Variants in ULK4 observed in about 807,000 individuals in gnomAD.
The protein encoded by ULK4 is unc-51 like kinase 4, also known as inactive serine/threonine-protein kinase ULK4.
In ULK4, 133 loss-of-function variants were observed where a neutral mutation model predicts 160.6. The observed-to-expected ratio is 0.83, with a 90% CI of 0.72 to 0.96. The LOEUF is 0.96. Among genes scored for constraint, ULK4 ranks in the 40% least tolerant of loss-of-function variants. The probability of loss-of-function intolerance (pLI) is 0.00; values close to 1 mark genes in which losing one functional copy is unlikely to be tolerated. For missense variants in ULK4, 1,580 were observed against 1,499.5 expected (o/e 1.05, Z -0.89); for synonymous variants, 534 against 539.8 (o/e 0.99, Z 0.15).
chr3:41,336,625 C>T (rs913957985), intron 35 of ULK4, among the ~76,000 whole-genome samples: 1 of 152,204 alleles, frequency 6.6e-6, no homozygotes, highest in Non-Finnish European at 1.5e-5. Context: ...TTATTTTACT[C>T]TAAAGCTCAT....
chr3:41,527,062 C>A (rs1282036695), intron 32 of ULK4, among the ~76,000 whole-genome samples: 3 of 152,218 alleles, frequency 2.0e-5, no homozygotes, highest in Non-Finnish European at 4.4e-5. Flanking sequence ...TACATTATCT[C>A]ATTTAACTCT....
intron 32 of ULK4, among the ~76,000 whole-genome samples, chr3:41,500,763 G>A (rs1005653126): frequency 1.3e-5 from 2 of 152,138 alleles, no homozygotes; most frequent in Admixed American, 6.5e-5. Context: ...CCTGGAACTC[G>A]GGGCCAGCAG....
chr3:41,852,528 T>C (rs749058447), intron 17 of ULK4, among the ~76,000 whole-genome samples: 3 of 152,152 alleles, frequency 2.0e-5, no homozygotes, highest in Non-Finnish European at 2.9e-5. Context: ...AAAATATCTT[T>C]ATAAAATGCA....
intron 32 of ULK4, among the ~76,000 whole-genome samples, chr3:41,501,962 C>T (rs2085225001): frequency 6.6e-6 from 1 of 152,184 alleles, no homozygotes; most frequent in Non-Finnish European, 1.5e-5. Flanking sequence ...TCTTTCTGTG[C>T]CTGTCTTACT....
At chr3:41,952,240 G>A (rs947003552) in intron 2 of ULK4, among the ~76,000 whole-genome samples, 5 of 151,964 alleles carry the variant, frequency 3.3e-5, no homozygotes, top group Non-Finnish European at 7.4e-5. Flanking sequence ...ACATCAAAAG[G>A]CACTATCAAC....
chr3:41,588,672 TATA>T (rs2031015688), intron 31 of ULK4, among the ~76,000 whole-genome samples: 1 of 152,220 alleles, frequency 6.6e-6, no homozygotes, highest in Non-Finnish European at 1.5e-5. Flanking sequence ...AAGCTTATTT[TATA>T]ATGTGATTTA....
At chr3:41,650,098 G>C (rs2034680422) in intron 30 of ULK4, among the ~76,000 whole-genome samples, 1 of 151,840 alleles carries the variant, frequency 6.6e-6, no homozygotes, top group Non-Finnish European at 1.5e-5. Flanking sequence ...GAGAGCTGGA[G>C]ACTCACTGGG....
intron 34 of ULK4, among the ~76,000 whole-genome samples, chr3:41,437,992 G>A (rs1401804349): frequency 2.6e-5 from 4 of 151,866 alleles, no homozygotes; most frequent in African/African-American, 9.7e-5. Flanking sequence ...CTGGTGGGAA[G>A]AGCTGTGCCT....
chr3:41,579,530 G>A (rs1387228635), intron 31 of ULK4, among the ~76,000 whole-genome samples: 1 of 121,096 alleles, frequency 8.3e-6, no homozygotes, highest in Non-Finnish European at 1.6e-5. Context: ...GTTTCGCTCT[G>A]TCGCCCAGGC....
Position 41,804,544 on chromosome 3 carries a change from T to A in ULK4, c.1849-4251A>T, listed in dbSNP as rs1205267087. On this transcript the variant is annotated intron_variant, in intron 19 of 36. Transcript: ENST00000301831. ...GCCATTGCTTTTGGTGTTTTAGACATGAAGTCCTTGCCCATGCCTATGTCC... is the reference window on the plus strand; with the variant it reads ...GCCATTGCTTTTGGTGTTTTAGACAAGAAGTCCTTGCCCATGCCTATGTCC... Among the ~76,000 whole-genome samples the A allele has an allele frequency of 2.0e-5, 3 of 151,440 alleles. No homozygotes were observed. The South Asian group carries it at 6.3e-4, about 32-fold the overall frequency.
At chr3:41,622,481 A>C (rs2033296267) in intron 30 of ULK4, among the ~76,000 whole-genome samples, 1 of 152,180 alleles carries the variant, frequency 6.6e-6, no homozygotes, top group African/African-American at 2.4e-5. Context: ...CATTCTCAGC[A>C]AACTAACACA....
At chr3:41,767,354 T>C (rs556778638) in intron 21 of ULK4, among the ~76,000 whole-genome samples, 9 of 152,232 alleles carry the variant, frequency 5.9e-5, no homozygotes, top group South Asian at 4.1e-4. Context: ...ATTTTTATTA[T>C]GTATTAAAAT....
intron 34 of ULK4, among the ~76,000 whole-genome samples, chr3:41,449,058 C>T (rs1031007071): frequency 3.3e-5 from 5 of 152,014 alleles, no homozygotes; most frequent in African/African-American, 1.2e-4. Context: ...GTTGGGACTA[C>T]AGGCATGCGC....
chr3:41,336,338 G>GT (rs1373014187), intron 35 of ULK4, among the ~76,000 whole-genome samples: 2 of 152,164 alleles, frequency 1.3e-5, no homozygotes, highest in Admixed American at 6.5e-5. Context: ...ATAAGGAAAC[G>GT]TATCTGAAAA....
rs1200827962 is a variant in ULK4 at position 41,381,248 on chromosome 3, C to T, written c.3678+16831G>A. Among the ~76,000 whole-genome samples the T allele has an allele frequency of 2.6e-5, 4 of 152,282 alleles. No homozygotes were observed. In the East Asian group the frequency reaches 5.8e-4, roughly 22 times the overall value. ...GCTTTCCCTCCAGTGATCTTGTCGTCCTCCACACTTGATTCACTCTCCTCA... is the reference window on the plus strand; with the variant it reads ...GCTTTCCCTCCAGTGATCTTGTCGTTCTCCACACTTGATTCACTCTCCTCA... On this transcript the variant is annotated intron_variant, in intron 35 of 36. Transcript: ENST00000301831.
intron 35 of ULK4, among the ~76,000 whole-genome samples, chr3:41,381,480 G>T (rs928608798): frequency 6.6e-6 from 1 of 152,092 alleles, no homozygotes; most frequent in Non-Finnish European, 1.5e-5. Flanking sequence ...TGAGCTCCTG[G>T]TTTTCTCTCT....
chr3:41,773,428 C>T (rs2039481416), intron 21 of ULK4, among the ~76,000 whole-genome samples: 1 of 152,148 alleles, frequency 6.6e-6, no homozygotes, highest in Non-Finnish European at 1.5e-5. Flanking sequence ...ACACCAACAA[C>T]AGACAAACAG....
At chr3:41,388,058 T>C (rs906270278) in intron 35 of ULK4, among the ~76,000 whole-genome samples, 6 of 152,210 alleles carry the variant, frequency 3.9e-5, no homozygotes, top group South Asian at 2.1e-4. Flanking sequence ...TTTGTAATGA[T>C]TGCCATTCTA....
At chr3:41,261,826 T>C (rs756644034) in intron 35 of ULK4, among the ~76,000 whole-genome samples, 3 of 152,186 alleles carry the variant, frequency 2.0e-5, no homozygotes, top group Non-Finnish European at 4.4e-5. Context: ...GGCAACTTCT[T>C]TCAGGCTTGG....
Sources: allele counts gnomAD v4.1 joint callset (sites outside exome capture counted in the v4.1 genomes callset), GRCh38; gene constraint gnomAD v4.1.1; transcripts MANE v1.5; gene names NCBI Gene and HGNC (gene_info 2026-07-23, HGNC 2026-07-21).